PFKL: variants seen among roughly 807,000 people sequenced by gnomAD.
PFKL encodes phosphofructokinase, liver type.
A neutral mutation model predicts 92.1 loss-of-function variants in PFKL; 74 were observed. The ratio of observed to expected loss-of-function variants is 0.80; its 90% confidence interval spans 0.67 to 0.97. The LOEUF is 0.97. Among genes scored for constraint, PFKL ranks in the 50% least tolerant of loss-of-function variants. The pLI, the probability that PFKL is intolerant of heterozygous loss-of-function variation, is 0.00. For missense variants in PFKL, 1,028 were observed against 1,116.6 expected (o/e 0.92, Z 1.13); for synonymous variants, 494 against 456.4 (o/e 1.08, Z -1.05).
At chr21:44,313,819 G>T (rs577969424) in intron 6 of PFKL, 94 bp from the exon 7 acceptor site, 1 of 1,327,368 alleles carries the variant, frequency 7.5e-7, no homozygotes, top group Admixed American at 2.0e-5. Context: ...GAGAGACAGA[G>T]AAGCTGTGGC....
At chr21:44,301,029 C>T (rs1156434048) in intron 1 of PFKL, among the ~76,000 whole-genome samples, 1 of 152,182 alleles carries the variant, frequency 6.6e-6, no homozygotes, top group African/African-American at 2.4e-5. Context: ...AGGGGCCCAG[C>T]CAGCACCCCA....
intron 9 of PFKL, among the ~76,000 whole-genome samples, chr21:44,317,846 C>G (rs2047250036): frequency 6.6e-6 from 1 of 152,230 alleles, no homozygotes; most frequent in Admixed American, 6.5e-5. Context: ...GCCTCACTTG[C>G]AAGATGAAAA....
chr21:44,323,391 G>A (rs1029072068), intron 15 of PFKL, among the ~76,000 whole-genome samples: 6 of 152,216 alleles, frequency 3.9e-5, no homozygotes, highest in East Asian at 3.8e-4. Flanking sequence ...GAAGGGAGGC[G>A]GAGGAGGCAG....
chr21:44,320,411 C>T, intron 12 of PFKL: 1 of 402,324 alleles, frequency 2.5e-6, no homozygotes, highest in Non-Finnish European at 4.6e-6. Context: ...ACAGGCTTAA[C>T]TCAGGAGAGG....
At chr21:44,320,249 C>A in intron 12 of PFKL, 102 bp downstream of exon 12, 1 of 998,176 alleles carries the variant, frequency 1.0e-6, no homozygotes, top group East Asian at 2.6e-5. Context: ...CCCACCTTCC[C>A]TCCTGCTGGG....
chr21:44,312,218 C>T lies in PFKL; in HGVS notation c.351C>T (p.Gly117=), dbSNP rs138419786. 1.4e-4 allele frequency: 232 copies of T among 1,600,314 alleles called. No individual in the cohort carries two copies. The highest frequency in any genetic ancestry group is 1.7e-4 in the Middle Eastern group (1 of 6,052). ...GCATCACCAACCTGTGCGTCATCGG[C>T]GGGGATGGCAGCCTCACAGGTGCCA... ...QHGITNLCVI[G]GDGSLTGANI... The change falls in exon 4 of 22, where the codon GGC becomes GGT. Residue 117 remains glycine (G), a synonymous_variant. Coordinates refer to ENST00000349048, the MANE Select transcript of PFKL (RefSeq NM_002626.6).
chr21:44,301,585 C>A (rs2236670), intron 1 of PFKL, among the ~76,000 whole-genome samples: 22,381 of 152,094 alleles, frequency 0.15, 1,828 homozygotes, highest in East Asian at 0.37. Context: ...GGTTGTGGGC[C>A]CAGGTGGGAG....
chr21:44,314,708 G>A (rs1232922239), intron 7 of PFKL: 3 of 152,386 alleles, frequency 2.0e-5, no homozygotes, highest in African/African-American at 7.2e-5. Context: ...ACACTGCCCT[G>A]TGGACCCTGA....
rs117741882 is a variant in PFKL at position 44,312,642 on chromosome 21, T to C, written c.428-336T>C. ...ACAGTCTGCAGAAATAGAGTTGAAG[T>C]TGGGGTGACATAAGACACAGAGTCC... On this transcript the variant is annotated intron_variant, in intron 4 of 21. Coordinates refer to ENST00000349048, the MANE Select transcript of PFKL (RefSeq NM_002626.6). Among the ~76,000 whole-genome samples the C allele has an allele frequency of 8.5e-4, 129 of 152,318 alleles. 1 individual carries two copies. In the East Asian group the frequency reaches 0.021, roughly 25 times the overall value.
At chr21:44,305,586 T>G (rs546607462) in intron 1 of PFKL, among the ~76,000 whole-genome samples, 47 of 152,232 alleles carry the variant, frequency 3.1e-4, no homozygotes, top group African/African-American at 1.1e-3. Flanking sequence ...AAGCACAAAC[T>G]CAGGCCTGTT....
At chr21:44,313,200 GAGGT>G (rs2047103324) in intron 5 of PFKL, 57 bp downstream of exon 5, 3 of 1,585,356 alleles carry the variant, frequency 1.9e-6, no homozygotes, top group Non-Finnish European at 2.6e-6. Context: ...GCACGGTGGT[GAGGT>G]GGTCTCAGGG....
intron 16 of PFKL, 104 bp from the exon 17 acceptor site, chr21:44,324,387 A>G: frequency 2.5e-6 from 3 of 1,217,950 alleles, no homozygotes; most frequent in Non-Finnish European, 3.5e-6. Flanking sequence ...CGTCAGCCCC[A>G]GGCTGGCTTT....
chr21:44,301,842 G>A (rs1337853248), intron 1 of PFKL, among the ~76,000 whole-genome samples: 1 of 152,152 alleles, frequency 6.6e-6, no homozygotes, highest in East Asian at 1.9e-4. Context: ...GGTTGGGAAA[G>A]TTGAGAGCCT....
At chr21:44,307,168 T>C (rs952209928) in intron 2 of PFKL, 4 of 547,400 alleles carry the variant, frequency 7.3e-6, no homozygotes, top group Non-Finnish European at 7.0e-6. Context: ...CCTCTGCCCT[T>C]GTCCTCCCCA....
intron 2 of PFKL, chr21:44,307,355 A>C (rs2040980856): frequency 1.0e-6 from 1 of 956,568 alleles, no homozygotes; most frequent in African/African-American, 1.8e-5. Context: ...ACTTGCGCTC[A>C]CACATGTGCA....
chr21:44,316,722 T>C (rs1389538244), intron 9 of PFKL, among the ~76,000 whole-genome samples, 198 bp downstream of exon 9: 1 of 151,700 alleles, frequency 6.6e-6, no homozygotes, highest in Admixed American at 6.6e-5. Context: ...GTCTGGTCCG[T>C]GTGGGTGTGT....
chr21:44,316,424 T>A lies in PFKL; in HGVS notation c.844-8T>A, dbSNP rs1178888118. On this transcript the variant is annotated splice_region_variant and splice_polypyrimidine_tract_variant and intron_variant, in intron 8 of 21. Coordinates refer to ENST00000349048, the MANE Select transcript of PFKL (RefSeq NM_002626.6). ...GGCTCAGGGCTGGTCCTTCCCACTG[T>A]CCTGCAGCTGGTGGTTCAGAGGCTG... 6.2e-7 allele frequency: 1 copy of A among 1,612,226 alleles called. No individual in the cohort carries two copies. The highest frequency in any genetic ancestry group is 8.5e-7 in the Non-Finnish European group (1 of 1,179,228).
chr21:44,303,440 A>AAAAAAAAAAGACTTGATCG (rs1568939621), intron 1 of PFKL, among the ~76,000 whole-genome samples: 6 of 68,750 alleles, frequency 8.7e-5, no homozygotes, highest in African/African-American at 5.0e-4. Flanking sequence ...GACCAAAAAA[A>AAAAAAAAAAGACTTGATCG]AAAAAAAAAA....
Position 44,313,683 on chromosome 21 carries a change from G to A in PFKL, c.638+1G>A. ...TGGAAGTGATGGGCCGGCACTGCGG[G>A]TGAGGAGGGGCTTCCTGGCCCGCTG... On this transcript the variant is annotated splice_donor_variant, in intron 6 of 21. Coordinates refer to ENST00000349048, the MANE Select transcript of PFKL (RefSeq NM_002626.6). LOFTEE classifies it high-confidence loss of function. The A allele has an allele frequency of 6.2e-7, 1 of 1,611,468 alleles. No homozygotes were observed. Among genetic ancestry groups the A allele is most frequent in the South Asian group, 1.1e-5 (1 of 90,648 alleles).
Sources: allele counts gnomAD v4.1 joint callset (sites outside exome capture counted in the v4.1 genomes callset), GRCh38; gene constraint gnomAD v4.1.1; transcripts MANE v1.5; gene names NCBI Gene and HGNC (gene_info 2026-07-23, HGNC 2026-07-21).